The following CRTAC1 variants were observed in gnomAD, a reference collection of about 807,000 sequenced individuals.
CRTAC1 encodes cartilage acidic protein 1, also known as acidic secreted protein in cartilage.
In CRTAC1, 37 loss-of-function variants were observed where a neutral mutation model predicts 67.8. The observed-to-expected ratio is 0.55, with a 90% CI of 0.42 to 0.72. The LOEUF (loss-of-function observed/expected upper bound fraction) is 0.72. CRTAC1 is among the 30% of genes least tolerant of loss of function. CRTAC1 has a pLI of 0.00. For synonymous variants in CRTAC1, 348 were observed against 371.0 expected (o/e 0.94, Z 0.71); for missense variants, 780 against 931.6 (o/e 0.84, Z 2.12).
In CRTAC1 at chr10:98,011,207, G is replaced by C; in HGVS notation, c.155C>G (p.Thr52Ser). The C allele has an allele frequency of 6.2e-7, 1 of 1,614,214 alleles. No individual in the cohort carries two copies. The highest frequency in any genetic ancestry group is 8.5e-7 in the Non-Finnish European group (1 of 1,180,036). Reference sequence around the variant, plus strand: ...AACTGCCACACCATAGTTGAGCTGGGTGGGATTACTGTCATAGTCAGGAGG... The same window carrying C: ...AACTGCCACACCATAGTTGAGCTGGCTGGGATTACTGTCATAGTCAGGAGG... The part of the protein sequence containing the change: ...VLPPDYDSNP[T>S]QLNYGVAVTD... The change falls in exon 2 of 15, where the codon ACC (threonine) becomes AGC (serine). Residue 52 changes from threonine (T) to serine (S), a missense_variant. Coordinates refer to ENST00000370597, the MANE Select transcript of CRTAC1 (RefSeq NM_018058.7).
At chr10:98,020,037 ATC>A (rs1284015440) in intron 1 of CRTAC1, among the ~76,000 whole-genome samples, 3 of 152,004 alleles carry the variant, frequency 2.0e-5, no homozygotes, top group African/African-American at 4.8e-5. Context: ...TGCTTCACAA[ATC>A]TCTCTCAATC....
At chr10:97,983,494 C>T (rs1424725681) in intron 2 of CRTAC1, among the ~76,000 whole-genome samples, 1 of 148,566 alleles carries the variant, frequency 6.7e-6, no homozygotes, top group Admixed American at 6.6e-5. Flanking sequence ...AGTAGAGATT[C>T]TCCTCTCCCT....
At position 97,901,624 on chromosome 10, in the gene CRTAC1, T is replaced by G. The variant is rs760842767; in HGVS notation, c.1012A>C (p.Lys338Gln). Residue 338 changes from lysine to glutamine, a missense_variant, in exon 8 of 15, where the codon AAG becomes CAG. Physicochemically the swap from Lys to Gln is moderately conservative, Grantham distance 53. Coordinates refer to ENST00000370597, the MANE Select transcript of CRTAC1 (RefSeq NM_018058.7). ...CGGACAGGGGAGGGCATGGAGAACT[T>G]GGGTGAGGCGATGTCCTGGAGGAAA... ...KVRFRDIASP[K>Q]FSMPSPVRTV... The G allele has an allele frequency of 1.9e-6, 3 of 1,613,848 alleles. No homozygotes were observed. Among genetic ancestry groups the G allele is most frequent in the Non-Finnish European group, 2.5e-6 (3 of 1,179,992 alleles).
chr10:97,869,349 GGT>G (rs199607686), intron 14 of CRTAC1: 2,688 of 152,624 alleles, frequency 0.018, 37 homozygotes, highest in Non-Finnish European at 0.025. Flanking sequence ...CTTAGTTACA[GGT>G]GGTGGCCTGT....
chr10:98,023,110 T>C (rs1843155636), intron 1 of CRTAC1, among the ~76,000 whole-genome samples: 1 of 152,036 alleles, frequency 6.6e-6, no homozygotes, highest in South Asian at 2.1e-4. Flanking sequence ...TGCACTGAGC[T>C]TCCCTGCAGC....
intron 3 of CRTAC1, among the ~76,000 whole-genome samples, chr10:97,935,358 CA>C (rs370720081): frequency 4.7e-4 from 72 of 152,290 alleles, no homozygotes; most frequent in African/African-American, 1.5e-3. Flanking sequence ...TTATTATTGT[CA>C]CTGTCATTTA....
At chr10:97,919,036 CCCCCGCCT>C (rs2050800209) in intron 4 of CRTAC1, among the ~76,000 whole-genome samples, 1 of 131,782 alleles carries the variant, frequency 7.6e-6, no homozygotes, top group South Asian at 2.6e-4. Context: ...CCACCACCCC[CCCCCGCCT>C]CAGCCTCCCA....
At position 97,936,242 on chromosome 10, in the gene CRTAC1, C is replaced by T. The variant is rs781299401; in HGVS notation, c.349G>A (p.Val117Ile). ...LRDRQGNAIG[V>I]TACDIDGDGR... ...TCCCCGTCGATGTCGCAGGCTGTGA[C>T]CCCGATGGCGTTCCCCTGCCGGTCC... The change falls in exon 3 of 15, where the codon GTC becomes ATC. Residue 117 changes from valine to isoleucine, a missense_variant. By Grantham distance (29) the Val-to-Ile change is conservative. Transcript: ENST00000370597. 1 of 1,614,176 alleles carries T rather than the reference C, an allele frequency of 6.2e-7. No homozygotes were observed. Among genetic ancestry groups the T allele is most frequent in the African/African-American group, 1.3e-5 (1 of 75,068 alleles).
chr10:97,955,407 C>A (rs2051424434), intron 2 of CRTAC1, among the ~76,000 whole-genome samples: 1 of 152,210 alleles, frequency 6.6e-6, no homozygotes, highest in African/African-American at 2.4e-5. Context: ...AAAATAAAGT[C>A]TTAAAACCAC....
intron 2 of CRTAC1, among the ~76,000 whole-genome samples, chr10:97,999,555 C>T (rs559325425): frequency 6.6e-6 from 1 of 152,314 alleles, no homozygotes; most frequent in East Asian, 1.9e-4. Flanking sequence ...CCTGCAAATG[C>T]CCCTTGGCAC....
intron 2 of CRTAC1, among the ~76,000 whole-genome samples, chr10:97,955,121 A>C (rs1462624317): frequency 6.6e-6 from 1 of 152,192 alleles, no homozygotes; most frequent in Non-Finnish European, 1.5e-5. Flanking sequence ...TCTTCCCAAC[A>C]ACTCTGCAAG....
intron 2 of CRTAC1, among the ~76,000 whole-genome samples, chr10:97,963,742 C>T (rs1055656508): frequency 3.9e-5 from 6 of 152,224 alleles, no homozygotes; most frequent in Non-Finnish European, 8.8e-5. Context: ...TTATTAGCAG[C>T]ATCTACATTG....
intron 1 of CRTAC1, among the ~76,000 whole-genome samples, chr10:98,020,412 C>T (rs1016854094): frequency 3.3e-5 from 5 of 152,158 alleles, no homozygotes; most frequent in African/African-American, 7.2e-5. Context: ...TACCACTGTC[C>T]GCATTTTACA....
At chr10:97,967,463 C>A (rs1419707788) in intron 2 of CRTAC1, among the ~76,000 whole-genome samples, 1 of 152,150 alleles carries the variant, frequency 6.6e-6, no homozygotes, top group Non-Finnish European at 1.5e-5. Context: ...TATTAGAAAC[C>A]AAGATCTGGG....
intron 14 of CRTAC1, chr10:97,870,852 A>C (rs1418639249): frequency 1.3e-5 from 2 of 152,274 alleles, no homozygotes; most frequent in South Asian, 4.1e-4. Flanking sequence ...TCACACCAGG[A>C]GTTCTTAACC....
rs879078198 is a variant in CRTAC1, at chr10:98,029,480, CCAGCAG to C, written c.24+963_24+968del. 5.1e-5 allele frequency among the ~76,000 whole-genome samples: 7 copies of C among 136,750 alleles called. No homozygotes were observed. Among genetic ancestry groups the C allele is most frequent in the African/African-American group, 1.6e-4 (6 of 37,292 alleles). 89.7% of individuals were successfully genotyped at this position (136,750 alleles called of 152,430 possible). ...GCAGAAGCCACACTGGGTGCACCCA[CCAGCAG>C]CAGCAGCGGCGGCGGCGGCGGCGGC... On this transcript the variant is annotated intron_variant, in intron 1 of 14. Transcript: ENST00000370597. This position sits in a 1 kb window ranked among gnomAD's most constrained non-coding sequence, Gnocchi z 4.7.
Position 97,873,731 on chromosome 10 carries a change from G to A in CRTAC1, c.1819+6518C>T, listed in dbSNP as rs188486075. On this transcript the variant is annotated intron_variant, in intron 14 of 14. Transcript: ENST00000370597. ...AGCTAGCTTTAGGGGAATTATTCTGGCCCCAGACTGCTTTCCTGCTGGCAG... is the reference window on the plus strand; with the variant it reads ...AGCTAGCTTTAGGGGAATTATTCTGACCCCAGACTGCTTTCCTGCTGGCAG... 3.7e-3 allele frequency among the ~76,000 whole-genome samples: 566 copies of A among 152,260 alleles called. 1 individual carries two copies. The highest frequency in any genetic ancestry group is 6.5e-3 in the Non-Finnish European group (440 of 68,000).
At chr10:97,945,299 G>A (rs966650923) in intron 2 of CRTAC1, among the ~76,000 whole-genome samples, 4 of 151,986 alleles carry the variant, frequency 2.6e-5, no homozygotes. Context: ...AAGAATACAG[G>A]GATCCCAGAA....
chr10:98,011,633 T>G (rs762479962), intron 1 of CRTAC1, among the ~76,000 whole-genome samples: 1 of 152,220 alleles, frequency 6.6e-6, no homozygotes, highest in Non-Finnish European at 1.5e-5. Context: ...TGATTACACT[T>G]ATTATTTATT....
Sources: gnomAD v4.1 joint callset for allele counts (sites outside exome capture counted in the v4.1 genomes callset) on GRCh38, gnomAD v4.1.1 for gene constraint, Gnocchi (gnomAD v3.1) non-coding constraint, MANE v1.5 for transcripts, NCBI Gene and HGNC (gene_info 2026-07-23, HGNC 2026-07-21) for gene names.